The following SLC4A8 variants were observed in gnomAD, a reference collection of about 807,000 sequenced individuals.
SLC4A8 encodes the protein electroneutral sodium bicarbonate exchanger 1.
Under a neutral mutation model 125.0 loss-of-function variants are expected in SLC4A8, and 40 were observed. The ratio of observed to expected loss-of-function variants is 0.32; its 90% CI spans 0.25 to 0.42. The LOEUF (loss-of-function observed/expected upper bound fraction) is 0.42, where lower values mean the gene tolerates loss of function less well. SLC4A8 is among the 10% of genes least tolerant of loss of function. The probability of loss-of-function intolerance (pLI) is 1.00; values close to 1 mark genes in which losing one functional copy is unlikely to be tolerated. For synonymous variants in SLC4A8, 456 were observed against 476.0 expected (o/e 0.96, Z 0.55); for missense variants, 863 against 1,355.1 (o/e 0.64, Z 5.70).
upstream of SLC4A8, among the ~76,000 whole-genome samples, chr12:51,423,140 G>T (rs1948828975): frequency 6.6e-6 from 1 of 152,182 alleles, no homozygotes; most frequent in African/African-American, 2.4e-5. Flanking sequence ...TGAGTATACA[G>T]AAGGGCATAA....
At position 51,425,677 on chromosome 12, in the gene SLC4A8, G is replaced by T. The variant is rs180897083; in HGVS notation, c.48+642G>T. On this transcript the variant is annotated intron_variant, in intron 1 of 24. Coordinates refer to ENST00000453097, the MANE Select transcript of SLC4A8 (RefSeq NM_001039960.3). ...AACCAAGGTTAAGTAACTGGTATTG[G>T]AACTGTTGGGGCGGCTAATGTAAGG... Among the ~76,000 whole-genome samples the T allele has an allele frequency of 3.9e-5, 6 of 152,298 alleles. No homozygotes were observed. The East Asian group carries it at 1.2e-3, about 29-fold the overall frequency.
At chr12:51,407,401 A>G (rs1272320376) in intron 1 of SLC4A8, among the ~76,000 whole-genome samples, 6 of 151,950 alleles carry the variant, frequency 3.9e-5, no homozygotes, top group Admixed American at 3.9e-4. Context: ...CACTACAGGC[A>G]TGCATCACCA....
At chr12:51,409,191 A>C (rs897791196) in intron 1 of SLC4A8, among the ~76,000 whole-genome samples, 41 of 152,192 alleles carry the variant, frequency 2.7e-4, no homozygotes, top group Non-Finnish European at 2.2e-4. Context: ...CACCTGGCTA[A>C]CATCTTTAAT....
intron 1 of SLC4A8, among the ~76,000 whole-genome samples, chr12:51,397,600 C>T (rs1948288892): frequency 6.6e-6 from 1 of 152,136 alleles, no homozygotes; most frequent in South Asian, 2.1e-4. Context: ...AAAAAGAAGA[C>T]AAGTTATCCA....
At chr12:51,485,026 T>C (rs1220018505) in intron 16 of SLC4A8, among the ~76,000 whole-genome samples, 1 of 152,066 alleles carries the variant, frequency 6.6e-6, no homozygotes, top group Non-Finnish European at 1.5e-5. Flanking sequence ...GAGCTTGGCA[T>C]GTTTAAGGAA....
chr12:51,414,791 G>A (rs1371776284), intron 1 of SLC4A8, among the ~76,000 whole-genome samples: 2 of 152,196 alleles, frequency 1.3e-5, no homozygotes, highest in Non-Finnish European at 2.9e-5. Context: ...TATATTAGGT[G>A]TGGATTTATT....
intron 1 of SLC4A8, among the ~76,000 whole-genome samples, chr12:51,414,873 G>C (rs1948655942): frequency 6.6e-6 from 1 of 152,190 alleles, no homozygotes; most frequent in South Asian, 2.1e-4. Flanking sequence ...TATCATGAAA[G>C]AATGTTGGAT....
chr12:51,463,773 A>G (rs1342715748), intron 11 of SLC4A8, 59 bp downstream of exon 11: 3 of 1,151,214 alleles, frequency 2.6e-6, no homozygotes, highest in East Asian at 4.8e-5. Flanking sequence ...ATGCAAAGGA[A>G]TGAGGCATCT....
At chr12:51,393,249 G>A (rs1316274275) in intron 1 of SLC4A8, among the ~76,000 whole-genome samples, 1 of 152,146 alleles carries the variant, frequency 6.6e-6, no homozygotes, top group East Asian at 1.9e-4. Flanking sequence ...ACAGATGCAT[G>A]CCACCATGCC....
rs2138025267 is a variant in SLC4A8 at position 51,424,889 on chromosome 12, G to A, written c.-99G>A. The stretch of plus-strand genomic sequence containing the variant: ...ATGGTTGACCGTTGGCTCCGGGGTG[G>A]GGGTCGCCGTTCGAGTGATCTGCTC... On this transcript the variant is annotated 5_prime_UTR_variant, in exon 1 of 25. Coordinates refer to ENST00000453097, the MANE Select transcript of SLC4A8 (RefSeq NM_001039960.3). 2 of 1,293,318 alleles carry A rather than the reference G, an allele frequency of 1.5e-6. No homozygotes were observed. The highest frequency in any genetic ancestry group is 2.8e-5 in the East Asian group (1 of 35,702). The allele number at this position is 1,293,318 out of a possible 1,614,324, so 80.1% of individuals were successfully genotyped here.
At chr12:51,431,732 TG>T (rs1949190937) in intron 1 of SLC4A8, among the ~76,000 whole-genome samples, 1 of 152,142 alleles carries the variant, frequency 6.6e-6, no homozygotes, top group South Asian at 2.1e-4. Context: ...GAGGCTCTGC[TG>T]GATGAAGAGG....
At chr12:51,454,261 C>T (rs1950060285) in intron 5 of SLC4A8, among the ~76,000 whole-genome samples, 1 of 152,152 alleles carries the variant, frequency 6.6e-6, no homozygotes, top group Non-Finnish European at 1.5e-5. Flanking sequence ...TGTGCCACTG[C>T]ACTCCAGCCT....
chr12:51,420,546 C>A (rs1010536666), upstream of SLC4A8, among the ~76,000 whole-genome samples: 1 of 152,118 alleles, frequency 6.6e-6, no homozygotes, highest in Admixed American at 6.5e-5. Context: ...CACATCCTTA[C>A]AATTATATGC....
chr12:51,421,260 T>C (rs1028620866), upstream of SLC4A8, among the ~76,000 whole-genome samples: 1 of 152,176 alleles, frequency 6.6e-6, no homozygotes, highest in Non-Finnish European at 1.5e-5. Context: ...TGTTTGAGCT[T>C]TTCCAACCAG....
Position 51,485,911 on chromosome 12 carries a change from C to T in SLC4A8, c.2286+11C>T, listed in dbSNP as rs1951151870. Reference sequence around the variant, plus strand: ...CCCAGTGTGTTCAAGGTAAACAGATCTCAGAGTACTTGGTGCACTCATGTA... The same window carrying T: ...CCCAGTGTGTTCAAGGTAAACAGATTTCAGAGTACTTGGTGCACTCATGTA... On this transcript the variant is annotated intron_variant, in intron 17 of 24. Transcript: ENST00000453097. The T allele has an allele frequency of 6.9e-7, 1 of 1,443,024 alleles. No homozygotes were observed. The highest frequency in any genetic ancestry group is 1.4e-5 in the African/African-American group (1 of 71,578). 89.4% of individuals were successfully genotyped at this position (1,443,024 alleles called of 1,614,324 possible).
chr12:51,499,333 G>A (rs746588328), intron 22 of SLC4A8, among the ~76,000 whole-genome samples: 1 of 150,050 alleles, frequency 6.7e-6, no homozygotes, highest in African/African-American at 2.5e-5. Context: ...ACACACACAC[G>A]TGCATGTGTG....
At position 51,455,271 on chromosome 12, in the gene SLC4A8, T is replaced by TAA. The variant is rs544910543; in HGVS notation, c.574+1586_574+1587dup. Among the ~76,000 whole-genome samples, 22 of 138,106 alleles carry TAA rather than the reference T, an allele frequency of 1.6e-4. No individual in the cohort carries two copies. The East Asian group carries it at 4.1e-3, about 26-fold the overall frequency. 90.6% of individuals were successfully genotyped at this position (138,106 alleles called of 152,430 possible). On this transcript the variant is annotated intron_variant, in intron 5 of 24. Transcript: ENST00000453097. ...TTCCCCACAGTGAGACCCTGTCTCT[T>TAA]AAAAAAAAAAAAAAAGTAAAAGAAA...
Position 51,505,893 on chromosome 12 carries a change from G to T in SLC4A8, c.3232G>T (p.Ala1078Ser). Residue 1078 changes from alanine to serine, a missense_variant, in exon 24 of 25, where the codon GCT becomes TCT. By Grantham distance (99) the Ala-to-Ser change is moderately conservative. Coordinates refer to ENST00000453097, the MANE Select transcript of SLC4A8 (RefSeq NM_001039960.3). ...DEMPKTTVWK[A>S]LSMNSGNAKE... The stretch of plus-strand genomic sequence containing the variant: ...AATGCCTAAAACTACAGTTTGGAAA[G>T]CTCTCAGTATGAATTCTGGAAATGC... 6.3e-7 allele frequency: 1 copy of T among 1,585,854 alleles called. No individual in the cohort carries two copies. The highest frequency in any genetic ancestry group is 8.6e-7 in the Non-Finnish European group (1 of 1,156,560).
At chr12:51,416,293 C>A (rs889209337) in intron 1 of SLC4A8, among the ~76,000 whole-genome samples, 3 of 140,520 alleles carry the variant, frequency 2.1e-5, no homozygotes, top group Non-Finnish European at 4.6e-5. Context: ...CCTTTTCTGG[C>A]CCTTTATTTC....
Sources: gnomAD v4.1 joint callset for allele counts (sites outside exome capture counted in the v4.1 genomes callset) on GRCh38, gnomAD v4.1.1 for gene constraint, MANE v1.5 for transcripts, NCBI Gene and HGNC (gene_info 2026-07-23, HGNC 2026-07-21) for gene names.